Variants in PROSER1 observed in about 807,000 individuals in gnomAD.
The protein encoded by PROSER1 is proline and serine rich 1.
A neutral mutation model predicts 71.8 loss-of-function variants in PROSER1; 36 were observed. The observed-to-expected ratio is 0.50, with a 90% CI of 0.38 to 0.66. The LOEUF is 0.66. PROSER1 is among the 30% of genes least tolerant of loss of function. The pLI is 0.00. For synonymous variants in PROSER1, 490 were observed against 452.4 expected, an observed-to-expected ratio of 1.08 and a Z score of -1.06; for missense variants, 1,107 against 1,135.0, an observed-to-expected ratio of 0.98 and a Z score of 0.35.
intron 5 of PROSER1, among the ~76,000 whole-genome samples, chr13:39,027,481 TAAGA>T (rs1870602422): frequency 6.6e-6 from 1 of 152,126 alleles, no homozygotes; most frequent in Middle Eastern, 3.2e-3. Flanking sequence ...GAACACTTCA[TAAGA>T]AAGAAAACTA....
At position 39,013,728 on chromosome 13, in the gene PROSER1, A is replaced by C. The variant is rs3751378; in HGVS notation, c.1524T>G (p.Ser508=). ...TGTTAGGGGCTGAAGCAGAAGAGTC[A>C]GAGTTCTGAAGAGTAAGAGAAGATA... ...ASLSSLTLQN[S]DSSASAPNKC... is the part of the protein sequence containing the mutation. Residue 508 remains serine (S), a synonymous_variant, in exon 11 of 13, where the codon TCT becomes TCG. Transcript: ENST00000352251. 250,533 of 1,613,560 alleles carry C rather than the reference A, an allele frequency of 0.16. 20,764 individuals carry two copies. Among genetic ancestry groups the C allele is most frequent in the South Asian group, 0.25 (22,946 of 91,070 alleles).
At chr13:39,037,040 C>A (rs1286516418) in intron 1 of PROSER1, among the ~76,000 whole-genome samples, 158 bp downstream of exon 1, 2 of 152,108 alleles carry the variant, frequency 1.3e-5, no homozygotes, top group Non-Finnish European at 2.9e-5. Context: ...GTACTGGAAA[C>A]GTATCAAGAT....
rs61945763 is a variant in PROSER1 at position 39,024,479 on chromosome 13, G to A, written c.558C>T (p.Ser186=). 0.13 allele frequency: 200,825 copies of A among 1,604,584 alleles called. 14,600 individuals are homozygous for A. Among genetic ancestry groups the A allele is most frequent in the Admixed American group, 0.25 (14,706 of 59,616 alleles). ...KGIAARILGP[S]KPPPSTYNPH... Reference sequence around the variant, plus strand: ...CATCATTTTCTAAACATACTGGTTTGGATGGCCCAAGAATTCGTGCAGCTA... The same window carrying A: ...CATCATTTTCTAAACATACTGGTTTAGATGGCCCAAGAATTCGTGCAGCTA... The change falls in exon 7 of 13, where the codon TCC becomes TCT. Residue 186 remains serine, a synonymous_variant. Coordinates refer to ENST00000352251, the MANE Select transcript of PROSER1 (RefSeq NM_025138.5).
At chr13:39,011,631 C>A in intron 12 of PROSER1, 144 bp from the exon 13 acceptor site, 1 of 762,578 alleles carries the variant, frequency 1.3e-6, no homozygotes, top group South Asian at 2.3e-5. Context: ...TCTGCTCAGT[C>A]ACTTAAAATT....
chr13:39,037,317 C>T lies in PROSER1; in HGVS notation c.-75G>A. The T allele has an allele frequency of 9.3e-7, 1 of 1,076,982 alleles. No individual in the cohort carries two copies. The highest frequency in any genetic ancestry group is 1.4e-6 in the Non-Finnish European group (1 of 694,770). The allele number at this position is 1,076,982 out of a possible 1,614,324, so 66.7% of individuals were successfully genotyped here. ...GACGTTCATCCCTGGTCTGCTCCGC[C>T]GATAGTAAAAAATATTTATAGCTGA... On this transcript the variant is annotated 5_prime_UTR_variant, in exon 1 of 13. Transcript: ENST00000352251.
At chr13:39,017,393 C>G in intron 10 of PROSER1, 107 bp downstream of exon 10, 1 of 749,840 alleles carries the variant, frequency 1.3e-6, no homozygotes, top group Non-Finnish European at 2.2e-6. Flanking sequence ...TAACCAGAAA[C>G]TTTTCCTAAA....
chr13:39,013,130 GA>G lies in PROSER1; in HGVS notation c.2121del (p.Pro708LeufsTer2). Reference protein sequence around the residue: ...LPSFTSLTNNFPLTGNPSLNP... With the variant: ...LPSFTSLTNNXPLTGNPSLNP... Reference sequence around the variant, plus strand: ...TTAAGAGATGGGTTGCCAGTTAAAGGAAAATTGTTGGTCAAAGAAGTAAAAG... The same window carrying G: ...TTAAGAGATGGGTTGCCAGTTAAAGGAAATTGTTGGTCAAAGAAGTAAAAG... On this transcript the variant is annotated frameshift_variant, in exon 11 of 13. Coordinates refer to ENST00000352251, the MANE Select transcript of PROSER1 (RefSeq NM_025138.5). LOFTEE classifies it high-confidence loss of function. 2 of 1,614,178 alleles carry G rather than the reference GA, an allele frequency of 1.2e-6. No individual in the cohort carries two copies. The highest frequency in any genetic ancestry group is 1.7e-6 in the Non-Finnish European group (2 of 1,180,036).
chr13:39,021,847 C>A (rs183834922), intron 9 of PROSER1, among the ~76,000 whole-genome samples: 2 of 152,330 alleles, frequency 1.3e-5, no homozygotes, highest in Admixed American at 1.3e-4. Flanking sequence ...TATCACAGCA[C>A]TGATCATTCC....
At chr13:39,017,909 A>G (rs931280385) in intron 9 of PROSER1, 1 of 196,542 alleles carries the variant, frequency 5.1e-6, no homozygotes, top group Non-Finnish European at 1.0e-5. Context: ...CATCCAGGAG[A>G]AAGTGTACCC....
chr13:39,026,484 AC>A, intron 5 of PROSER1, 97 bp from the exon 6 acceptor site: 2 of 682,774 alleles, frequency 2.9e-6, no homozygotes, highest in Non-Finnish European at 5.0e-6. Context: ...GAATTAAAGA[AC>A]AGCACTACAT....
At chr13:39,022,740 C>A in intron 8 of PROSER1, 1 of 382,368 alleles carries the variant, frequency 2.6e-6, no homozygotes, top group Non-Finnish European at 4.7e-6. Flanking sequence ...AAGTTAAATG[C>A]ATGAATGATG....
rs1465541752 is a variant in PROSER1, at chr13:39,013,585, G to A, written c.1667C>T (p.Pro556Leu). The change falls in exon 11 of 13, where the codon CCT becomes CTT. Residue 556 changes from proline (P) to leucine (L), a missense_variant. Coordinates refer to ENST00000352251, the MANE Select transcript of PROSER1 (RefSeq NM_025138.5). ...ANSTSTPLTL[P>L]VQSPLATAAS... ...AGCAGTGGCTAAAGGAGACTGTACAGGCAATGTCAGGGGAGTGGAAGTTGA... is the reference window on the plus strand; with the variant it reads ...AGCAGTGGCTAAAGGAGACTGTACAAGCAATGTCAGGGGAGTGGAAGTTGA... 2.5e-6 allele frequency: 4 copies of A among 1,614,034 alleles called. No individual in the cohort carries two copies.
In PROSER1 at chr13:39,012,842, G is replaced by T. The variant is rs41286143; in HGVS notation, c.2410C>A (p.Pro804Thr). 39,483 of 1,614,184 alleles carry T rather than the reference G, an allele frequency of 0.024. 635 individuals carry two copies. Among genetic ancestry groups the T allele is most frequent in the Non-Finnish European group, 0.031 (36,293 of 1,180,016 alleles). The change falls in exon 11 of 13, where the codon CCC becomes ACC. Residue 804 changes from proline (P) to threonine (T), a missense_variant. Pro to Thr is a conservative substitution (Grantham distance 38). Coordinates refer to ENST00000352251, the MANE Select transcript of PROSER1 (RefSeq NM_025138.5). ...SNTPSVTPALPSFPGLQAPST... is the reference protein window; with the variant it reads ...SNTPSVTPALTSFPGLQAPST... ...GGCGCCTGCAGCCCCGGGAATGAGG[G>T]AAGAGCAGGGGTAACGCTTGGGGTA...
At chr13:39,037,168 TA>T in intron 1 of PROSER1, 29 bp downstream of exon 1, 1 of 1,512,206 alleles carries the variant, frequency 6.6e-7, no homozygotes. Context: ...ATTCATCTCA[TA>T]AAATAATTCA....
rs1265896339 is a variant in PROSER1 at position 39,012,751 on chromosome 13, AGGACTG to A, written c.2495_2500del (p.Pro832_Val833del). 3.7e-6 allele frequency: 6 copies of A among 1,612,332 alleles called. No homozygotes were observed. Among genetic ancestry groups the A allele is most frequent in the Non-Finnish European group, 5.1e-6 (6 of 1,179,148 alleles). On this transcript the variant is annotated inframe_deletion, in exon 11 of 13. Coordinates refer to ENST00000352251, the MANE Select transcript of PROSER1 (RefSeq NM_025138.5). ...ACTGAATGCTGAGGCGAATCCTGGG[AGGACTG>A]GAGCTGGGGATGGGGCTGTGGCAGC... is the stretch of plus-strand genomic sequence containing the variant.
chr13:39,026,374 C>T lies in PROSER1; in HGVS notation c.383G>A (p.Gly128Asp). ...TATCATAGCATGAGGAGCTTTGCAGCCCCCCTTGAAAGCCTGTAATATAAG... is the reference window on the plus strand; with the variant it reads ...TATCATAGCATGAGGAGCTTTGCAGTCCCCCTTGAAAGCCTGTAATATAAG... ...KRILEQAFKG[G>D]CKAPHAMISS... The change falls in exon 6 of 13, where the codon GGC becomes GAC. Residue 128 changes from glycine to aspartate, a missense_variant. By Grantham distance (94) the Gly-to-Asp change is moderately conservative. Transcript: ENST00000352251. 6.2e-7 allele frequency: 1 copy of T among 1,608,770 alleles called. No homozygotes were observed. The highest frequency in any genetic ancestry group is 8.5e-7 in the Non-Finnish European group (1 of 1,177,708).
chr13:39,026,449 T>C (rs1277132173), intron 5 of PROSER1, 62 bp from the exon 6 acceptor site: 10 of 1,002,850 alleles, frequency 1.0e-5, no homozygotes, highest in East Asian at 7.2e-5. Flanking sequence ...ATTCTGAACA[T>C]TGGGAGCTCA....
At chr13:39,032,897 A>G (rs1449546679) in intron 2 of PROSER1, among the ~76,000 whole-genome samples, 5 of 152,164 alleles carry the variant, frequency 3.3e-5, no homozygotes, top group Admixed American at 2.0e-4. Flanking sequence ...GCTGTAAGAA[A>G]TTATATATCT....
At chr13:39,034,966 T>C (rs913416179) in intron 1 of PROSER1, among the ~76,000 whole-genome samples, 29 of 152,224 alleles carry the variant, frequency 1.9e-4, no homozygotes, top group African/African-American at 7.0e-4. Flanking sequence ...AAATCACACA[T>C]GCTCCCCTTG....
Sources: allele counts gnomAD v4.1 joint callset (sites outside exome capture counted in the v4.1 genomes callset), GRCh38; gene constraint gnomAD v4.1.1; transcripts MANE v1.5; gene names NCBI Gene and HGNC (gene_info 2026-07-23, HGNC 2026-07-21).